Variants in GIGYF2 observed in about 807,000 individuals in gnomAD.
GIGYF2 encodes the protein GRB10-interacting GYF protein 2.
In GIGYF2, 25 loss-of-function variants were observed where a neutral mutation model predicts 208.1. That is an observed-to-expected ratio of 0.12 (90% CI 0.09 to 0.17). The LOEUF (loss-of-function observed/expected upper bound fraction) is 0.17, where lower values mean the gene tolerates loss of function less well. Among genes scored for constraint, GIGYF2 ranks in the 10% least tolerant of loss-of-function variants. The probability of loss-of-function intolerance (pLI) is 1.00; values close to 1 mark genes in which losing one functional copy is unlikely to be tolerated. For missense variants in GIGYF2, 1,302 were observed against 1,579.4 expected, an observed-to-expected ratio of 0.82 and a Z score of 2.98; for synonymous variants, 534 against 543.8, an observed-to-expected ratio of 0.98 and a Z score of 0.25.
intron 2 of GIGYF2, among the ~76,000 whole-genome samples, chr2:232,720,921 T>C (rs531159432): frequency 6.6e-5 from 10 of 152,258 alleles, no homozygotes; most frequent in African/African-American, 2.4e-4. Context: ...AAGTCAAGTC[T>C]TTAAAATATG....
intron 14 of GIGYF2, among the ~76,000 whole-genome samples, chr2:232,796,838 T>A (rs1574895474): frequency 6.6e-6 from 1 of 152,072 alleles, no homozygotes; most frequent in South Asian, 2.1e-4. Flanking sequence ...GCAGCCTGGG[T>A]GACAGAGTGA....
chr2:232,858,396 A>G lies in GIGYF2; in HGVS notation c.*1536A>G, dbSNP rs1265905335. 1 of 435,498 alleles carries G rather than the reference A, an allele frequency of 2.3e-6. No individual in the cohort carries two copies. Among genetic ancestry groups the G allele is most frequent in the East Asian group, 7.0e-5 (1 of 14,330 alleles). The allele number at this position is 435,498 out of a possible 1,614,324, so 27.0% of individuals were successfully genotyped here. ...TCCCTCCCTTCTAAACATGTGTAAT[A>G]ACTATACAGAGACTGCTACAAAATT... On this transcript the variant is annotated 3_prime_UTR_variant, in exon 29 of 29. Transcript: ENST00000373563.
intron 2 of GIGYF2, among the ~76,000 whole-genome samples, chr2:232,704,287 C>G (rs1695985722): frequency 6.6e-6 from 1 of 152,176 alleles, no homozygotes; most frequent in Admixed American, 6.5e-5. Flanking sequence ...GTGTATAGCT[C>G]TGCAGTTTCG....
chr2:232,805,169 G>T (rs1700522200), intron 14 of GIGYF2, among the ~76,000 whole-genome samples: 1 of 152,012 alleles, frequency 6.6e-6, no homozygotes, highest in Admixed American at 6.6e-5. Flanking sequence ...ATGTTCTGTG[G>T]GTAGTTGAAA....
intron 19 of GIGYF2, chr2:232,815,948 T>C: frequency 1.8e-6 from 1 of 550,278 alleles, no homozygotes; most frequent in Non-Finnish European, 3.3e-6. Flanking sequence ...TATGTTTGGT[T>C]TGGTTAGTTG....
chr2:232,732,435 A>G (rs949693734), intron 2 of GIGYF2, among the ~76,000 whole-genome samples: 1 of 152,020 alleles, frequency 6.6e-6, no homozygotes, highest in Non-Finnish European at 1.5e-5. Context: ...GTTATACAAT[A>G]AATTTAGTTT....
chr2:232,826,847 T>A (rs1218909795), intron 21 of GIGYF2, among the ~76,000 whole-genome samples: 2 of 152,176 alleles, frequency 1.3e-5, no homozygotes, highest in Non-Finnish European at 2.9e-5. Flanking sequence ...TTCACTGATG[T>A]CTTATTTTAA....
In GIGYF2 at chr2:232,847,616, C is replaced by G. The variant is rs557724209; in HGVS notation, c.3684+45C>G. 16 of 1,606,770 alleles carry G rather than the reference C, an allele frequency of 1.0e-5. No homozygotes were observed. In the African/African-American group the frequency reaches 2.1e-4, roughly 21 times the overall value. On this transcript the variant is annotated intron_variant, in intron 27 of 28. Transcript: ENST00000373563. ...ATGCGGTACCTCTGAGGATTAATAC[C>G]TTTAGATGTTGAGTAACCCAAGAAA...
chr2:232,756,886 G>A (rs1157704865), intron 6 of GIGYF2, among the ~76,000 whole-genome samples: 1 of 152,128 alleles, frequency 6.6e-6, no homozygotes, highest in Non-Finnish European at 1.5e-5. Context: ...GATATTACTT[G>A]TTTCTTTGAT....
intron 2 of GIGYF2, among the ~76,000 whole-genome samples, chr2:232,719,294 A>C (rs1258314424): frequency 6.6e-6 from 1 of 152,222 alleles, no homozygotes; most frequent in Non-Finnish European, 1.5e-5. Context: ...AGTATCAGAC[A>C]CTGTGCTGGA....
intron 21 of GIGYF2, among the ~76,000 whole-genome samples, chr2:232,829,186 A>G (rs941940939): frequency 6.6e-6 from 1 of 152,076 alleles, no homozygotes; most frequent in Non-Finnish European, 1.5e-5. Flanking sequence ...TTGAGGCTCT[A>G]TTACTACTTG....
At chr2:232,831,180 G>A (rs577081437) in intron 21 of GIGYF2, among the ~76,000 whole-genome samples, 1 of 152,246 alleles carries the variant, frequency 6.6e-6, no homozygotes, top group South Asian at 2.1e-4. Context: ...TCCACCGTAA[G>A]TTACCTCCCC....
At chr2:232,720,585 T>TTG (rs1696894497) in intron 2 of GIGYF2, among the ~76,000 whole-genome samples, 1 of 126,310 alleles carries the variant, frequency 7.9e-6, no homozygotes, top group Non-Finnish European at 1.7e-5. Flanking sequence ...ATATATATAT[T>TTG]TTTGTTTGTT....
chr2:232,709,665 C>T (rs1340849906), intron 2 of GIGYF2, among the ~76,000 whole-genome samples: 5 of 151,960 alleles, frequency 3.3e-5, no homozygotes, highest in South Asian at 2.1e-4. Flanking sequence ...AAAAATTAGC[C>T]GGGTGTGGTG....
At chr2:232,849,591 G>T (rs573117404) in intron 27 of GIGYF2, among the ~76,000 whole-genome samples, 3 of 152,280 alleles carry the variant, frequency 2.0e-5, no homozygotes, top group African/African-American at 4.8e-5. Context: ...ACCCATGGGC[G>T]CACGCATACA....
chr2:232,806,454 T>C lies in GIGYF2; in HGVS notation c.1640-37T>C. The C allele has an allele frequency of 6.9e-7, 1 of 1,439,022 alleles. No individual in the cohort carries two copies. The highest frequency in any genetic ancestry group is 9.8e-7 in the Non-Finnish European group (1 of 1,020,146). The allele number at this position is 1,439,022 out of a possible 1,614,324, so 89.1% of individuals were successfully genotyped here. A position where few individuals can be genotyped will look rare whatever the true frequency, so the allele number is the denominator to read the frequency against. ...TTTTTTCTCTTTGAGTCTGAAAGGT[T>C]TCTTATTGTCTTTCTGTTTAATTGG... On this transcript the variant is annotated intron_variant, in intron 14 of 28. Coordinates refer to ENST00000373563, the MANE Select transcript of GIGYF2 (RefSeq NM_001103146.3). This position sits in a 1 kb window ranked among gnomAD's most constrained non-coding sequence, Gnocchi z 4.0.
At chr2:232,816,740 G>A (rs1700924959) in intron 19 of GIGYF2, 131 bp from the exon 20 acceptor site, 1 of 734,646 alleles carries the variant, frequency 1.4e-6, no homozygotes, top group African/African-American at 1.7e-5. Context: ...CTATTGATCT[G>A]TTGGATCACC....
intron 21 of GIGYF2, among the ~76,000 whole-genome samples, chr2:232,822,791 A>G (rs575942375): frequency 6.6e-6 from 1 of 152,088 alleles, no homozygotes; most frequent in Non-Finnish European, 1.5e-5. Flanking sequence ...ACCTTGTGAA[A>G]CTCAACTTAG....
At chr2:232,837,640 G>C (rs1409490511) in intron 22 of GIGYF2, among the ~76,000 whole-genome samples, 1 of 151,580 alleles carries the variant, frequency 6.6e-6, no homozygotes. Context: ...TTTATTTTTA[G>C]TAGAAATGGG....
Sources: allele counts gnomAD v4.1 joint callset (sites outside exome capture counted in the v4.1 genomes callset), GRCh38; gene constraint gnomAD v4.1.1; non-coding constraint Gnocchi (gnomAD v3.1); transcripts MANE v1.5; gene names NCBI Gene and HGNC (gene_info 2026-07-23, HGNC 2026-07-21).